PPP1R12B: variants seen among roughly 807,000 people sequenced by gnomAD.
The protein encoded by PPP1R12B is protein phosphatase 1 regulatory subunit 12B, also known as myosin phosphatase target subunit 2.
In PPP1R12B, 76 loss-of-function variants were observed where a neutral mutation model predicts 126.1. The ratio of observed to expected loss-of-function variants is 0.60; its 90% CI spans 0.50 to 0.73. The LOEUF (loss-of-function observed/expected upper bound fraction) is 0.73, where lower values mean the gene tolerates loss of function less well. PPP1R12B is among the 30% of genes least tolerant of loss of function. The probability of loss-of-function intolerance (pLI) is 0.00; values close to 1 mark genes in which losing one functional copy is unlikely to be tolerated. For synonymous variants in PPP1R12B, 356 were observed against 434.7 expected (o/e 0.82, Z 2.25); for missense variants, 1,052 against 1,205.1 (o/e 0.87, Z 1.88).
intron 1 of PPP1R12B, among the ~76,000 whole-genome samples, chr1:202,351,035 C>A (rs181097955): frequency 9.9e-5 from 15 of 152,124 alleles, no homozygotes; most frequent in African/African-American, 3.4e-4. Flanking sequence ...AGGAGTTGAA[C>A]TGAACAAGTA....
chr1:202,410,106 T>TA (rs1667195580), intron 1 of PPP1R12B: 1 of 152,214 alleles, frequency 6.6e-6, no homozygotes, highest in Non-Finnish European at 1.5e-5. Flanking sequence ...TTTTTGCTTA[T>TA]AAAAAATATG....
rs755584686 is a variant in PPP1R12B at position 202,434,686 on chromosome 1, C to G, written c.1172C>G (p.Ser391Cys). 8 of 1,613,310 alleles carry G rather than the reference C, an allele frequency of 5.0e-6. No individual in the cohort carries two copies. Among genetic ancestry groups the G allele is most frequent in the African/African-American group, 1.3e-5 (1 of 74,974 alleles). Residue 391 changes from serine (S) to cysteine (C), a missense_variant, in exon 9 of 24, where the codon TCC (serine) becomes TGC (cysteine). By Grantham distance (112) the Ser-to-Cys change is moderately radical. Transcript: ENST00000608999. ...DKKPEAFVNHSNSESKSSITE... is the reference protein window; with the variant it reads ...DKKPEAFVNHCNSESKSSITE... Reference sequence around the variant, plus strand: ...AAGCCAGAAGCCTTTGTCAATCATTCCAACTCTGAAAGCAAGAGTAGTATC... The same window carrying G: ...AAGCCAGAAGCCTTTGTCAATCATTGCAACTCTGAAAGCAAGAGTAGTATC...
chr1:202,501,760 T>C (rs1393880547), intron 18 of PPP1R12B: 1 of 763,516 alleles, frequency 1.3e-6, no homozygotes, highest in Non-Finnish European at 1.6e-6. Context: ...TGTACCTTTT[T>C]TCAGGGAACC....
chr1:202,358,629 C>A (rs1657564737), intron 1 of PPP1R12B, among the ~76,000 whole-genome samples: 1 of 151,328 alleles, frequency 6.6e-6, no homozygotes, highest in South Asian at 2.1e-4. Context: ...TTGCAGTGAG[C>A]CAAGGTGGCA....
rs1309509586 is a variant in PPP1R12B at position 202,495,573 on chromosome 1, A to G, written c.2339A>G (p.Asn780Ser). The G allele has an allele frequency of 3.7e-6, 6 of 1,613,972 alleles. No individual in the cohort carries two copies. The highest frequency in any genetic ancestry group is 2.2e-5 in the South Asian group (2 of 91,086). Residue 780 changes from asparagine to serine, a missense_variant, in exon 17 of 24, where the codon AAT becomes AGT. Coordinates refer to ENST00000608999, the MANE Select transcript of PPP1R12B (RefSeq NM_002481.4). Reference protein sequence around the residue: ...TTAKEMDKNENEEADLDEQSS... With the variant: ...TTAKEMDKNESEEADLDEQSS... Reference sequence around the variant, plus strand: ...ACTTTATTTTATCTCTGGCCAGAGAATGAAGAAGCAGATTTGGATGAGCAG... The same window carrying G: ...ACTTTATTTTATCTCTGGCCAGAGAGTGAAGAAGCAGATTTGGATGAGCAG...
chr1:202,498,106 C>T (rs1450176769), intron 18 of PPP1R12B, among the ~76,000 whole-genome samples: 2 of 152,150 alleles, frequency 1.3e-5, no homozygotes, highest in Non-Finnish European at 2.9e-5. Context: ...TTCTAAACTT[C>T]TTGGCACTGG....
At chr1:202,511,813 G>C (rs566299661) in intron 18 of PPP1R12B, among the ~76,000 whole-genome samples, 59 of 103,614 alleles carry the variant, frequency 5.7e-4, no homozygotes, top group Middle Eastern at 0.01. Flanking sequence ...TTTCGCTCTT[G>C]TTGGCCAGGC....
intron 22 of PPP1R12B, among the ~76,000 whole-genome samples, chr1:202,568,660 A>G (rs1328097890): frequency 1.3e-5 from 2 of 152,306 alleles, no homozygotes; most frequent in East Asian, 1.9e-4. Flanking sequence ...GGGGGAGGGA[A>G]GAAACTAGGG....
At chr1:202,540,215 C>T (rs1381090876) in intron 18 of PPP1R12B, 15 of 1,609,392 alleles carry the variant, frequency 9.3e-6, no homozygotes, top group Non-Finnish European at 1.3e-5. Flanking sequence ...CCCAGCATCT[C>T]CCTCCCCGAC....
In PPP1R12B at chr1:202,348,781, G is replaced by A; in HGVS notation, c.-71G>A. 1 of 1,507,790 alleles carries A rather than the reference G, an allele frequency of 6.6e-7. No homozygotes were observed. The highest frequency in any genetic ancestry group is 1.3e-5 in the South Asian group (1 of 74,366). 93.4% of individuals were successfully genotyped at this position (1,507,790 alleles called of 1,614,324 possible). ...GGGCTGAAGCGCTCTGAGAGAGGCG[G>A]CAGCGGCAACTCGAGCCCCAACAGT... On this transcript the variant is annotated 5_prime_UTR_variant, in exon 1 of 24. Coordinates refer to ENST00000608999, the MANE Select transcript of PPP1R12B (RefSeq NM_002481.4).
intron 1 of PPP1R12B, among the ~76,000 whole-genome samples, chr1:202,401,969 T>C (rs1422023594): frequency 1.3e-5 from 2 of 152,216 alleles, no homozygotes; most frequent in Non-Finnish European, 1.5e-5. Context: ...TTTTCTGTCT[T>C]GGCAAGCTTC....
At chr1:202,409,215 T>A (rs1226118960) in intron 1 of PPP1R12B, among the ~76,000 whole-genome samples, 4 of 152,168 alleles carry the variant, frequency 2.6e-5, no homozygotes, top group African/African-American at 9.7e-5. Flanking sequence ...AAAATAGAAA[T>A]GGTAATTCTA....
At chr1:202,535,055 ATGTGTG>A (rs145949486) in intron 18 of PPP1R12B, among the ~76,000 whole-genome samples, 67 of 146,162 alleles carry the variant, frequency 4.6e-4, no homozygotes, top group Non-Finnish European at 8.4e-4. Context: ...GTGTGTGTGT[ATGTGTG>A]TGTGTGTGTG....
At chr1:202,535,995 A>G (rs1684489246) in intron 18 of PPP1R12B, among the ~76,000 whole-genome samples, 1 of 152,300 alleles carries the variant, frequency 6.6e-6, no homozygotes, top group South Asian at 2.1e-4. Flanking sequence ...GAAGGATTTG[A>G]ATTGGTAGAT....
rs1379274861 is a variant in PPP1R12B, at chr1:202,588,778, G to T, written c.*8218G>T. ...GGTAGTATCAAGGAATTTCCTAAAT[G>T]GAGTCAGGCCAAGGAGAAGCCTAGA... On this transcript the variant is annotated 3_prime_UTR_variant, in exon 24 of 24. Coordinates refer to ENST00000608999, the MANE Select transcript of PPP1R12B (RefSeq NM_002481.4). The T allele has an allele frequency of 6.6e-6, 1 of 151,950 alleles. No homozygotes were observed. The highest frequency in any genetic ancestry group is 2.4e-5 in the African/African-American group (1 of 41,308). 9.4% of individuals were successfully genotyped at this position (151,950 alleles called of 1,614,324 possible).
At chr1:202,550,992 C>A (rs1187703002) in intron 18 of PPP1R12B, among the ~76,000 whole-genome samples, 3 of 152,118 alleles carry the variant, frequency 2.0e-5, no homozygotes, top group African/African-American at 4.8e-5. Flanking sequence ...TGCATAGATG[C>A]TAAGAGCTTT....
At chr1:202,559,110 C>T (rs1490621436) in intron 19 of PPP1R12B, among the ~76,000 whole-genome samples, 1 of 152,352 alleles carries the variant, frequency 6.6e-6, no homozygotes, top group Non-Finnish European at 1.5e-5. Context: ...AGATTCTCCT[C>T]TTTCCAGTTC....
At chr1:202,538,933 C>T (rs975398511) in intron 18 of PPP1R12B, among the ~76,000 whole-genome samples, 4 of 152,072 alleles carry the variant, frequency 2.6e-5, no homozygotes, top group Admixed American at 1.3e-4. Flanking sequence ...GTCATTTTCC[C>T]GATTGTGGCA....
At chr1:202,525,891 C>T (rs1319575922) in intron 18 of PPP1R12B, among the ~76,000 whole-genome samples, 2 of 152,142 alleles carry the variant, frequency 1.3e-5, no homozygotes, top group Admixed American at 1.3e-4. Context: ...TAGAGACGGG[C>T]TTTCGCCATG....
Sources: gnomAD v4.1 joint callset for allele counts (sites outside exome capture counted in the v4.1 genomes callset) on GRCh38, gnomAD v4.1.1 for gene constraint, MANE v1.5 for transcripts, NCBI Gene and HGNC (gene_info 2026-07-23, HGNC 2026-07-21) for gene names.